ARHGAP28: variants seen among roughly 807,000 people sequenced by gnomAD.
The protein encoded by ARHGAP28 is Rho GTPase activating protein 28.
ARHGAP28 carries 56 observed loss-of-function variants against 90.7 expected under a neutral mutation model. That is an observed-to-expected ratio of 0.62 (90% confidence interval 0.50 to 0.77). The LOEUF is 0.77. ARHGAP28 is among the 30% of genes least tolerant of loss of function. The pLI is 0.00. For synonymous variants in ARHGAP28, 308 were observed against 323.3 expected (o/e 0.95, Z 0.51); for missense variants, 869 against 900.9 (o/e 0.96, Z 0.45).
intron 2 of ARHGAP28, chr18:6,834,587 G>A (rs1353197244): frequency 6.6e-6 from 1 of 152,186 alleles, no homozygotes; most frequent in Non-Finnish European, 1.5e-5. Flanking sequence ...ATTTGAAAGG[G>A]CTCATTTAGT....
chr18:6,888,803 T>A (rs2143707101), intron 12 of ARHGAP28, among the ~76,000 whole-genome samples: 1 of 147,956 alleles, frequency 6.8e-6, no homozygotes, highest in Non-Finnish European at 1.5e-5. Context: ...ACATGCACTG[T>A]CTCTCTCTCT....
Position 6,870,749 on chromosome 18 carries a change from A to C in ARHGAP28, c.954+17A>C. On this transcript the variant is annotated intron_variant, in intron 7 of 17. Coordinates refer to ENST00000383472, the MANE Select transcript of ARHGAP28 (RefSeq NM_001366230.1). ...GTTTTAACTGTAAGCAAAACCTTTC[A>C]TGATTATTCCAGGAACTTCCTGTGA... The C allele has an allele frequency of 6.3e-7, 1 of 1,582,266 alleles. No individual in the cohort carries two copies. The highest frequency in any genetic ancestry group is 1.4e-5 in the African/African-American group (1 of 72,730).
At chr18:6,841,186 T>TCTCTCTCTCTCTCTCTC (rs1196494301) in intron 3 of ARHGAP28, among the ~76,000 whole-genome samples, 4 of 57,802 alleles carry the variant, frequency 6.9e-5, no homozygotes, top group East Asian at 9.6e-4. Flanking sequence ...CTCTCCTCTC[T>TCTCTCTCTCTCTCTCTC]CTCTCTCTCT....
intron 6 of ARHGAP28, among the ~76,000 whole-genome samples, chr18:6,869,542 T>C (rs940720024): frequency 1.3e-5 from 2 of 152,180 alleles, no homozygotes; most frequent in African/African-American, 4.8e-5. Context: ...ATTATAGGCA[T>C]GAGCCACTGT....
intron 1 of ARHGAP28, among the ~76,000 whole-genome samples, chr18:6,798,279 C>T (rs557783845): frequency 1.1e-3 from 163 of 152,182 alleles, no homozygotes; most frequent in Non-Finnish European, 2.0e-3. Flanking sequence ...CTGCAACTTC[C>T]GCCTCCCAGG....
At chr18:6,782,601 T>A (rs1366172979) in intron 1 of ARHGAP28, among the ~76,000 whole-genome samples, 4 of 73,528 alleles carry the variant, frequency 5.4e-5, no homozygotes, top group East Asian at 6.6e-4. Flanking sequence ...TATTTTTTTT[T>A]TTTTTTTTTT....
chr18:6,868,170 A>C lies in ARHGAP28; in HGVS notation c.747A>C (p.Pro249=). 1 of 1,614,090 alleles carries C rather than the reference A, an allele frequency of 6.2e-7. No individual in the cohort carries two copies. Among genetic ancestry groups the C allele is most frequent in the Non-Finnish European group, 8.5e-7 (1 of 1,179,976 alleles). ...GGCAGGCTATACTTGAGACCATTCC[A>C]GTTCTACCAGTTCATTCCAATGGAT... ...SDSVAILETI[P]VLPVHSNGSP... Residue 249 remains proline, a synonymous_variant, in exon 6 of 18, where the codon CCA becomes CCC. Transcript: ENST00000383472.
intron 3 of ARHGAP28, among the ~76,000 whole-genome samples, chr18:6,839,262 GT>G (rs938108024): frequency 1.8e-4 from 27 of 146,722 alleles, no homozygotes; most frequent in Non-Finnish European, 4.1e-4. Context: ...CAAATGCTTT[GT>G]TTTAGTTAGA....
intron 1 of ARHGAP28, among the ~76,000 whole-genome samples, chr18:6,812,369 T>A (rs766811441): frequency 4.6e-5 from 7 of 152,236 alleles, no homozygotes; most frequent in African/African-American, 9.6e-5. Flanking sequence ...CTTATTTCTC[T>A]GTGTTTTTAA....
At chr18:6,872,219 A>C (rs2143538315) in intron 7 of ARHGAP28, among the ~76,000 whole-genome samples, 1 of 152,324 alleles carries the variant, frequency 6.6e-6, no homozygotes, top group Non-Finnish European at 1.5e-5. Context: ...CTTCCCATGA[A>C]GAACTTTGCA....
rs80210011 is a variant in ARHGAP28, at chr18:6,814,740, A to G, written c.123-10022A>G. 9.7e-3 allele frequency among the ~76,000 whole-genome samples: 1,472 copies of G among 152,306 alleles called. 19 individuals are homozygous for G. The highest frequency in any genetic ancestry group is 0.033 in the African/African-American group (1,366 of 41,564). On this transcript the variant is annotated intron_variant, in intron 1 of 17. Coordinates refer to ENST00000383472, the MANE Select transcript of ARHGAP28 (RefSeq NM_001366230.1). ...CTACATAATCAAAATATATACTGCA[A>G]TTTGGCATTAAGCAATAGAGAGAAT...
At position 6,844,038 on chromosome 18, in the gene ARHGAP28, T is replaced by C. The variant is rs2056847376; in HGVS notation, c.543+6624T>C. Among the ~76,000 whole-genome samples the C allele has an allele frequency of 2.0e-5, 3 of 152,196 alleles. No homozygotes were observed. In the South Asian group the frequency reaches 6.2e-4, roughly 32 times the overall value. On this transcript the variant is annotated intron_variant, in intron 3 of 17. Coordinates refer to ENST00000383472, the MANE Select transcript of ARHGAP28 (RefSeq NM_001366230.1). The stretch of plus-strand genomic sequence containing the variant: ...TACATTTTCCAACATTCATAAGATC[T>C]GAATTAAATGTTCCTTTCAGTGACA...
At chr18:6,887,790 T>C (rs1156552332) in intron 12 of ARHGAP28, among the ~76,000 whole-genome samples, 1 of 152,208 alleles carries the variant, frequency 6.6e-6, no homozygotes, top group Non-Finnish European at 1.5e-5. Context: ...GTCTATCCTG[T>C]GTCAGGCATT....
intron 17 of ARHGAP28, among the ~76,000 whole-genome samples, chr18:6,910,694 TG>T (rs1393709029): frequency 6.6e-6 from 1 of 152,138 alleles, no homozygotes; most frequent in Non-Finnish European, 1.5e-5. Flanking sequence ...CATGTTTGTT[TG>T]TTAGTTGCCT....
intron 2 of ARHGAP28, among the ~76,000 whole-genome samples, chr18:6,825,932 T>A (rs141926462): frequency 0.021 from 3,142 of 152,312 alleles, 70 homozygotes; most frequent in Admixed American, 0.06. Context: ...TGCATGTGTC[T>A]TTTTAGTATA....
At chr18:6,745,437 A>G (rs896673190) in intron 1 of ARHGAP28, among the ~76,000 whole-genome samples, 1 of 152,182 alleles carries the variant, frequency 6.6e-6, no homozygotes, top group African/African-American at 2.4e-5. Context: ...GGATTTCTGA[A>G]GCCATACCCA....
rs979655174 is a variant in ARHGAP28, at chr18:6,806,059, G to GT, written c.123-18696dup. Among the ~76,000 whole-genome samples the GT allele has an allele frequency of 2.5e-4, 38 of 150,982 alleles. 1 individual carries two copies. The highest frequency in any genetic ancestry group is 4.1e-4 in the African/African-American group (17 of 41,180). On this transcript the variant is annotated intron_variant, in intron 1 of 17. Coordinates refer to ENST00000383472, the MANE Select transcript of ARHGAP28 (RefSeq NM_001366230.1). The stretch of plus-strand genomic sequence containing the variant: ...GCCACCAGGACTGGCTAATTGTTTT[G>GT]TTTTTTTGTATTTTAGTTGAGGCGG...
chr18:6,753,337 AT>A (rs1180172467), intron 1 of ARHGAP28, among the ~76,000 whole-genome samples: 2 of 152,102 alleles, frequency 1.3e-5, no homozygotes, highest in African/African-American at 2.4e-5. Flanking sequence ...TAGTCTTTAA[AT>A]TTTTTTTGGA....
intron 1 of ARHGAP28, among the ~76,000 whole-genome samples, chr18:6,810,994 C>T (rs556236288): frequency 2.0e-5 from 3 of 152,190 alleles, no homozygotes; most frequent in South Asian, 4.2e-4. Context: ...ATTGAAATTT[C>T]TGTGTGATTA....
Sources: allele counts gnomAD v4.1 joint callset (sites outside exome capture counted in the v4.1 genomes callset), GRCh38; gene constraint gnomAD v4.1.1; transcripts MANE v1.5; gene names NCBI Gene and HGNC (gene_info 2026-07-23, HGNC 2026-07-21).